MGAT1: variants seen among roughly 807,000 people sequenced by gnomAD.
MGAT1 encodes alpha-1,3-mannosyl-glycoprotein 2-beta-N-acetylglucosaminyltransferase.
MGAT1 carries 14 observed loss-of-function variants against 31.7 expected under a neutral mutation model. The observed-to-expected ratio is 0.44, with a 90% confidence interval of 0.29 to 0.69. MGAT1 has a LOEUF of 0.69. MGAT1 is among the 30% of genes least tolerant of loss of function. The pLI is 0.12. For synonymous variants in MGAT1, 338 were observed against 276.0 expected (o/e 1.22, Z -2.23); for missense variants, 557 against 626.0 (o/e 0.89, Z 1.18).
intron 2 of MGAT1, among the ~76,000 whole-genome samples, chr5:180,808,188 G>A (rs1772104775): frequency 6.6e-6 from 1 of 152,234 alleles, no homozygotes; most frequent in African/African-American, 2.4e-5. Flanking sequence ...AAGTAGGAAG[G>A]GAGACAACTT....
Position 180,793,125 on chromosome 5 carries a change from G to A in MGAT1, c.-126-28C>T, listed in dbSNP as rs1049196328. 8.4e-5 allele frequency: 77 copies of A among 912,588 alleles called. No individual in the cohort carries two copies. In the African/African-American group the frequency reaches 1.1e-3, roughly 13 times the overall value. 56.5% of individuals were successfully genotyped at this position (912,588 alleles called of 1,614,324 possible). ...AAAGACAGGAGAGAGAAAGCAAACC[G>A]TCACACAAAGGCTCGTGGCTCCATG... is the stretch of plus-strand genomic sequence containing the variant. On this transcript the variant is annotated intron_variant, in intron 1 of 1. Coordinates refer to ENST00000307826, the MANE Select transcript of MGAT1 (RefSeq NM_002406.4).
upstream of MGAT1, among the ~76,000 whole-genome samples, chr5:180,805,000 C>T (rs946318666): frequency 6.6e-6 from 1 of 152,082 alleles, no homozygotes; most frequent in East Asian, 1.9e-4. Context: ...TCAGAATGGG[C>T]TTCATGGAGG....
At position 180,791,463 on chromosome 5, in the gene MGAT1, C is replaced by T. The variant is rs1389179865; in HGVS notation, c.*171G>A. ...TCCCCTGATCTGACTCCCTTGAGAA[C>T]GGGAGAATAATCCTCTTGTTATCAT... On this transcript the variant is annotated 3_prime_UTR_variant, in exon 2 of 2. Transcript: ENST00000307826. 14 of 797,776 alleles carry T rather than the reference C, an allele frequency of 1.8e-5. No homozygotes were observed. Among genetic ancestry groups the T allele is most frequent in the East Asian group, 2.7e-5 (1 of 37,606 alleles). The allele number at this position is 797,776 out of a possible 1,614,324, so 49.4% of individuals were successfully genotyped here.
chr5:180,802,399 G>A (rs910706954), intron 1 of MGAT1, among the ~76,000 whole-genome samples: 1 of 151,960 alleles, frequency 6.6e-6, no homozygotes, highest in African/African-American at 2.4e-5. Context: ...GCCCGGGGCC[G>A]AGTTTCACAA....
chr5:180,789,029 C>A lies in MGAT1; in HGVS notation c.*2605G>T, dbSNP rs1767774726. 1 of 152,214 alleles carries A rather than the reference C, an allele frequency of 6.6e-6. No individual in the cohort carries two copies. The highest frequency in any genetic ancestry group is 1.5e-5 in the Non-Finnish European group (1 of 68,038). 9.4% of individuals were successfully genotyped at this position (152,214 alleles called of 1,614,324 possible). On this transcript the variant is annotated 3_prime_UTR_variant, in exon 2 of 2. Transcript: ENST00000307826. The stretch of plus-strand genomic sequence containing the variant: ...CCACGTCTGAAATCACGGATAATGA[C>A]CACCTCCCCTTATTTAACAAAAAAT...
intron 1 of MGAT1, chr5:180,809,292 A>G (rs1161152231): frequency 3.9e-5 from 6 of 152,192 alleles, no homozygotes; most frequent in Non-Finnish European, 8.8e-5. Flanking sequence ...TTACATATAT[A>G]AACACATATA....
upstream of MGAT1, among the ~76,000 whole-genome samples, chr5:180,804,076 C>T (rs528733143): frequency 4.4e-4 from 67 of 152,238 alleles, no homozygotes; most frequent in Non-Finnish European, 8.8e-4. Flanking sequence ...CAGGCCCCTG[C>T]GTGGAGGCGA....
At chr5:180,795,298 T>TACACACAC (rs1554130208) in intron 1 of MGAT1, 45 of 149,016 alleles carry the variant, frequency 3.0e-4, no homozygotes, top group African/African-American at 1.1e-3. Context: ...TATATATATA[T>TACACACAC]ACACACACAC....
In MGAT1 at chr5:180,791,485, T is replaced by C; in HGVS notation, c.*149A>G. 2.2e-6 allele frequency: 2 copies of C among 903,772 alleles called. No individual in the cohort carries two copies. The highest frequency in any genetic ancestry group is 1.7e-5 in the South Asian group (1 of 58,672). 56.0% of individuals were successfully genotyped at this position (903,772 alleles called of 1,614,324 possible). ...GAACGGGAGAATAATCCTCTTGTTA[T>C]CATTTGTGCACTTAAATGCCACTCG... On this transcript the variant is annotated 3_prime_UTR_variant, in exon 2 of 2. Coordinates refer to ENST00000307826, the MANE Select transcript of MGAT1 (RefSeq NM_002406.4).
At chr5:180,801,519 T>C (rs953700936) in intron 1 of MGAT1, among the ~76,000 whole-genome samples, 2 of 152,112 alleles carry the variant, frequency 1.3e-5, no homozygotes, top group Non-Finnish European at 2.9e-5. Flanking sequence ...TCAGAGAAGA[T>C]ACACTAAATA....
At chr5:180,802,333 TA>T (rs1770971534) in intron 1 of MGAT1, among the ~76,000 whole-genome samples, 2 of 152,244 alleles carry the variant, frequency 1.3e-5, no homozygotes, top group South Asian at 2.1e-4. Flanking sequence ...GGAGTGAGGT[TA>T]GGGGGGAAAG....
In MGAT1 at chr5:180,791,571, G is replaced by A. The variant is rs142397798; in HGVS notation, c.*63C>T. 1.6e-5 allele frequency: 25 copies of A among 1,567,186 alleles called. No individual in the cohort carries two copies. The highest frequency in any genetic ancestry group is 2.2e-5 in the East Asian group (1 of 44,454). On this transcript the variant is annotated 3_prime_UTR_variant, in exon 2 of 2. Transcript: ENST00000307826. ...ACACAGGCAGGCCGATGCAGCCTGG[G>A]GACTGTGGTCCCACCTCAGCTCATG...
chr5:180,811,718 T>C (rs1039641615), intron 1 of MGAT1, among the ~76,000 whole-genome samples: 12 of 151,736 alleles, frequency 7.9e-5, no homozygotes, highest in African/African-American at 2.9e-4. Context: ...TCCTGTCGTT[T>C]CTGTGCTCCA....
chr5:180,809,633 C>T (rs1438246294), intron 1 of MGAT1: 1 of 152,030 alleles, frequency 6.6e-6, no homozygotes, highest in South Asian at 2.1e-4. Flanking sequence ...TAATTCCCAA[C>T]CTCTGTTAAA....
At chr5:180,799,094 C>T (rs962162793) in intron 1 of MGAT1, among the ~76,000 whole-genome samples, 5 of 152,196 alleles carry the variant, frequency 3.3e-5, no homozygotes, top group African/African-American at 1.2e-4. Flanking sequence ...AGCAACAGCG[C>T]ATCCTTCCTG....
At chr5:180,801,817 A>T (rs548042616) in intron 1 of MGAT1, among the ~76,000 whole-genome samples, 1 of 152,338 alleles carries the variant, frequency 6.6e-6, no homozygotes, top group African/African-American at 2.4e-5. Flanking sequence ...TTCCCTTGTT[A>T]ACACAGGCCA....
intron 1 of MGAT1, among the ~76,000 whole-genome samples, chr5:180,793,855 ATAAACT>A (rs1373732860): frequency 6.6e-6 from 1 of 152,218 alleles, no homozygotes; most frequent in African/African-American, 2.4e-5. Context: ...ATAAACTTAA[ATAAACT>A]TAAACATTCA....
intron 1 of MGAT1, among the ~76,000 whole-genome samples, chr5:180,796,935 T>C (rs1769523820): frequency 6.6e-6 from 1 of 152,192 alleles, no homozygotes; most frequent in Non-Finnish European, 1.5e-5. Flanking sequence ...TTCTTCGCTC[T>C]CCCCTCAGGA....
intron 1 of MGAT1, among the ~76,000 whole-genome samples, chr5:180,797,838 C>A (rs1769818554): frequency 6.7e-6 from 1 of 149,750 alleles, no homozygotes; most frequent in South Asian, 2.1e-4. Flanking sequence ...TTCCAGCCCA[C>A]CTCCTTAGGC....
Sources: allele counts gnomAD v4.1 joint callset (sites outside exome capture counted in the v4.1 genomes callset), GRCh38; gene constraint gnomAD v4.1.1; transcripts MANE v1.5; gene names NCBI Gene and HGNC (gene_info 2026-07-23, HGNC 2026-07-21).